Variants in FBRSL1 observed in about 807,000 individuals in gnomAD.
FBRSL1 encodes the protein fibrosin like 1.
FBRSL1 carries 51 observed loss-of-function variants against 89.6 expected under a neutral mutation model. The observed-to-expected ratio is 0.57, with a 90% CI of 0.45 to 0.72. The LOEUF (loss-of-function observed/expected upper bound fraction) is 0.72. Ranked by LOEUF, FBRSL1 falls within the 30% of genes least tolerant of loss-of-function variation. The pLI, the probability that FBRSL1 is intolerant of heterozygous loss-of-function variation, is 0.00. For missense variants in FBRSL1, 1,618 were observed against 1,451.8 expected (o/e 1.11, Z -1.86); for synonymous variants, 779 against 681.1 (o/e 1.14, Z -2.24).
Position 132,570,468 on chromosome 12 carries a change from G to T in FBRSL1, c.1141G>T (p.Ala381Ser). The change falls in exon 8 of 19, where the codon GCC becomes TCC. Residue 381 changes from alanine (A) to serine (S), a missense_variant. Ala to Ser is a moderately conservative substitution (Grantham distance 99, BLOSUM62 1). Transcript: ENST00000680143. ...GCACCAGCTCCACGCGGCCATGTTTGCCGCACCCCCGACACTGCCCCCGCC... is the reference window on the plus strand; with the variant it reads ...GCACCAGCTCCACGCGGCCATGTTTTCCGCACCCCCGACACTGCCCCCGCC... ...AQHQLHAAMF[A>S]APPTLPPPPA... 6.5e-7 allele frequency: 1 copy of T among 1,532,850 alleles called. No individual in the cohort carries two copies. The allele number at this position is 1,532,850 out of a possible 1,614,324, so 95.0% of individuals were successfully genotyped here.
Position 132,499,896 on chromosome 12 carries a change from G to A in FBRSL1, c.292-8257G>A, listed in dbSNP as rs1310264833. Among the ~76,000 whole-genome samples, 2 of 152,180 alleles carry A rather than the reference G, an allele frequency of 1.3e-5. No individual in the cohort carries two copies. The highest frequency in any genetic ancestry group is 4.8e-5 in the African/African-American group (2 of 41,436). On this transcript the variant is annotated intron_variant, in intron 1 of 18. Coordinates refer to ENST00000680143, the MANE Select transcript of FBRSL1 (RefSeq NM_001367871.1). This position sits in a 1 kb window ranked among gnomAD's most constrained non-coding sequence, Gnocchi z 4.3. The stretch of plus-strand genomic sequence containing the variant: ...TCCGTTGGCGCAGCAGAGCTGTGCT[G>A]ATCTGGTTTGTGAGCTGGCCTGTGG...
At chr12:132,549,656 G>A (rs528419323) in intron 5 of FBRSL1, among the ~76,000 whole-genome samples, 5 of 152,356 alleles carry the variant, frequency 3.3e-5, no homozygotes, top group South Asian at 4.1e-4. Flanking sequence ...CTGCCTTACC[G>A]AGATGAGGCA....
In FBRSL1 at chr12:132,508,191, G is replaced by T; in HGVS notation, c.330G>T (p.Lys110Asn). 6.4e-7 allele frequency: 1 copy of T among 1,551,258 alleles called. No homozygotes were observed. The change falls in exon 2 of 19, where the codon AAG (lysine) becomes AAT (asparagine). Residue 110 changes from lysine (K) to asparagine (N), a missense_variant. Transcript: ENST00000680143. ...MALKPHERKE[K>N]WERRLIKKPR... ...TGAAGCCACATGAGCGGAAGGAGAA[G>T]TGGGAGCGTCGTCTCATCAAGAAGC...
At chr12:132,579,339 C>T (rs750403194) in intron 15 of FBRSL1, among the ~76,000 whole-genome samples, 7 of 152,182 alleles carry the variant, frequency 4.6e-5, no homozygotes, top group Non-Finnish European at 8.8e-5. Context: ...TTTTCCTATC[C>T]CTGATCATGG....
At chr12:132,547,982 T>C (rs1012571221) in intron 4 of FBRSL1, 21 bp from the exon 5 acceptor site, 47 of 1,549,572 alleles carry the variant, frequency 3.0e-5, no homozygotes, top group Admixed American at 3.9e-5. Context: ...CCGACTCACT[T>C]CTGTCTCTCT....
intron 5 of FBRSL1, among the ~76,000 whole-genome samples, chr12:132,548,791 G>T (rs972279931): frequency 1.3e-5 from 2 of 152,226 alleles, no homozygotes; most frequent in East Asian, 3.9e-4. Context: ...CTGGACGGGG[G>T]TGAGGGCCCT....
chr12:132,570,908 G>A (rs868713696), intron 8 of FBRSL1, among the ~76,000 whole-genome samples, 160 bp from the exon 9 acceptor site: 1 of 152,186 alleles, frequency 6.6e-6, no homozygotes, highest in African/African-American at 2.4e-5. Context: ...GACCGCGAAG[G>A]CTTCCTCCCT....
At chr12:132,496,947 C>T (rs528911360) in intron 1 of FBRSL1, among the ~76,000 whole-genome samples, 7 of 152,188 alleles carry the variant, frequency 4.6e-5, no homozygotes, top group African/African-American at 1.7e-4. Flanking sequence ...CCAGGCCCTG[C>T]GGTGTCCTGT....
At chr12:132,551,633 G>T (rs1347301813) in intron 5 of FBRSL1, 3 of 454,534 alleles carry the variant, frequency 6.6e-6, no homozygotes, top group Non-Finnish European at 1.3e-5. Flanking sequence ...TGCCAATCAA[G>T]GTGGAGACTT....
At chr12:132,501,833 C>T (rs961203036) in intron 1 of FBRSL1, among the ~76,000 whole-genome samples, 2 of 152,128 alleles carry the variant, frequency 1.3e-5, no homozygotes, top group African/African-American at 4.8e-5. Flanking sequence ...CACCCAGGCC[C>T]GTGGCTCCTC....
At position 132,570,199 on chromosome 12, in the gene FBRSL1, C is replaced by G. The variant is rs952586809; in HGVS notation, c.965C>G (p.Ala322Gly). 2 of 1,504,516 alleles carry G rather than the reference C, an allele frequency of 1.3e-6. No individual in the cohort carries two copies. Among genetic ancestry groups the G allele is most frequent in the Non-Finnish European group, 1.8e-6 (2 of 1,135,004 alleles). 93.2% of individuals were successfully genotyped at this position (1,504,516 alleles called of 1,614,324 possible). Residue 322 changes from alanine (A) to glycine (G), a missense_variant, in exon 7 of 19, where the codon GCG (alanine) becomes GGG (glycine). Physicochemically the swap from Ala to Gly is moderately conservative, Grantham distance 60. Coordinates refer to ENST00000680143, the MANE Select transcript of FBRSL1 (RefSeq NM_001367871.1). Reference sequence around the variant, plus strand: ...GTGCCTGCATCCCTGGGCGCCTTCGCGGGCCACAGCCAGGCGGCAGCCAAC... The same window carrying G: ...GTGCCTGCATCCCTGGGCGCCTTCGGGGGCCACAGCCAGGCGGCAGCCAAC... ...THVPASLGAF[A>G]GHSQAAANGL...
chr12:132,574,035 GTCC>G, intron 11 of FBRSL1, 52 bp from the exon 12 acceptor site: 1 of 1,160,504 alleles, frequency 8.6e-7, no homozygotes, highest in Non-Finnish European at 1.1e-6. Context: ...AGCCCGAGGC[GTCC>G]TCCTGCCTGG....
At chr12:132,529,052 G>A (rs1236619302) in intron 4 of FBRSL1, among the ~76,000 whole-genome samples, 1 of 152,134 alleles carries the variant, frequency 6.6e-6, no homozygotes, top group Non-Finnish European at 1.5e-5. Flanking sequence ...GAACATTAAT[G>A]ACAACATAAA....
intron 2 of FBRSL1, chr12:132,509,102 T>C (rs967113816): frequency 6.7e-6 from 8 of 1,189,776 alleles, no homozygotes; most frequent in Middle Eastern, 3.1e-4. Context: ...GGGCCCGGGC[T>C]GGACGGGGGT....
At position 132,581,689 on chromosome 12, in the gene FBRSL1, G is replaced by A. The variant is rs565934261; in HGVS notation, c.1913-52G>A. 4.0e-5 allele frequency: 61 copies of A among 1,535,992 alleles called. 1 individual carries two copies. In the African/African-American group the frequency reaches 8.4e-4, roughly 21 times the overall value. The stretch of plus-strand genomic sequence containing the variant: ...CAGCAGCCCCCACTGGGCCAGGTGG[G>A]AGCCGCAGCCCACGCCTCACAGACC... On this transcript the variant is annotated intron_variant, in intron 16 of 18. Transcript: ENST00000680143.
In FBRSL1 at chr12:132,545,075, G is replaced by A. The variant is rs374150739; in HGVS notation, c.616-2928G>A. On this transcript the variant is annotated intron_variant, in intron 4 of 18. Transcript: ENST00000680143. ...TCAGGGCCTCGCCCAGCATGGGGCC[G>A]TGCGGCACGGAGCTCAGGGCCTCGC... Among the ~76,000 whole-genome samples, 122 of 151,506 alleles carry A rather than the reference G, an allele frequency of 8.1e-4. 3 individuals are homozygous for A. In the South Asian group the frequency reaches 0.023, roughly 28 times the overall value.
chr12:132,554,982 C>G (rs1337001561), intron 5 of FBRSL1: 1 of 152,214 alleles, frequency 6.6e-6, no homozygotes, highest in Non-Finnish European at 1.5e-5. Flanking sequence ...GGAACTATAT[C>G]TCGAAATCGG....
At chr12:132,574,221 CG>C in intron 12 of FBRSL1, 63 bp downstream of exon 12, 1 of 1,440,132 alleles carries the variant, frequency 6.9e-7, no homozygotes, top group Non-Finnish European at 9.1e-7. Context: ...GGGCCCTGTG[CG>C]GGCTGGTGGC....
In FBRSL1 at chr12:132,582,095, G is replaced by A. The variant is rs2040799301; in HGVS notation, c.2030G>A (p.Gly677Asp). Residue 677 changes from glycine to aspartate, a missense_variant, in exon 18 of 19, where the codon GGC becomes GAC. By Grantham distance (94) the Gly-to-Asp change is moderately conservative (BLOSUM62 -1). Transcript: ENST00000680143. ...PGGSIFAPKEGSSVHGLPSPH... is the reference protein window; with the variant it reads ...PGGSIFAPKEDSSVHGLPSPH... ...GGCAGCATCTTTGCCCCCAAGGAGG[G>A]CTCCTCCGTGCACGGCCTGCCCAGC... 5 of 1,549,102 alleles carry A rather than the reference G, an allele frequency of 3.2e-6. No individual in the cohort carries two copies. In the African/African-American group the frequency reaches 5.5e-5, roughly 17 times the overall value.
Sources: gnomAD v4.1 joint callset for allele counts (sites outside exome capture counted in the v4.1 genomes callset) on GRCh38, gnomAD v4.1.1 for gene constraint, Gnocchi (gnomAD v3.1) non-coding constraint, MANE v1.5 for transcripts, NCBI Gene and HGNC (gene_info 2026-07-23, HGNC 2026-07-21) for gene names.